Variants in NEDD9 observed in about 807,000 individuals in gnomAD.
NEDD9 encodes neural precursor cell expressed, developmentally down-regulated 9, also known as enhancer of filamentation 1.
Under a neutral mutation model 76.6 loss-of-function variants are expected in NEDD9, and 26 were observed. That is an observed-to-expected ratio of 0.34 (90% CI 0.25 to 0.47). NEDD9 has a LOEUF of 0.47. Among genes scored for constraint, NEDD9 ranks in the 20% least tolerant of loss-of-function variants. The pLI, the probability that NEDD9 is intolerant of heterozygous loss-of-function variation, is 1.00. For synonymous variants in NEDD9, 392 were observed against 414.2 expected, an observed-to-expected ratio of 0.95 and a Z score of 0.65; for missense variants, 937 against 1,058.5, an observed-to-expected ratio of 0.89 and a Z score of 1.59.
chr6:11,335,337 G>T (rs1762134484), intron 1 of NEDD9, among the ~76,000 whole-genome samples: 1 of 152,216 alleles, frequency 6.6e-6, no homozygotes, highest in Non-Finnish European at 1.5e-5. Context: ...CTGTTTGGTA[G>T]TCTGCTGCCA....
At chr6:11,355,311 T>C (rs1285721298) in intron 1 of NEDD9, among the ~76,000 whole-genome samples, 1 of 152,120 alleles carries the variant, frequency 6.6e-6, no homozygotes, top group Non-Finnish European at 1.5e-5. Context: ...AAGGAAACCA[T>C]AGTAATTTAG....
At position 11,240,710 on chromosome 6, in the gene NEDD9, C is replaced by T. The variant is rs116613867; in HGVS notation, c.13-26983G>A. Among the ~76,000 whole-genome samples the T allele has an allele frequency of 9.2e-3, 1,396 of 152,206 alleles. 19 individuals carry two copies. The highest frequency in any genetic ancestry group is 0.032 in the African/African-American group (1,323 of 41,536). ...AAATTAGGTGTTAAATAAATTCACT[C>T]GACTCTAGTGAAATGTGACAAGCAA... On this transcript the variant is annotated intron_variant, in intron 3 of 3. Transcript: ENST00000397378.
chr6:11,278,638 G>A (rs2113353943), intron 3 of NEDD9, among the ~76,000 whole-genome samples: 1 of 152,268 alleles, frequency 6.6e-6, no homozygotes. Context: ...CTTATTTTGT[G>A]CACAATTCTA....
intron 3 of NEDD9, among the ~76,000 whole-genome samples, chr6:11,275,577 T>C (rs1432204013): frequency 6.6e-6 from 1 of 150,920 alleles, no homozygotes; most frequent in Non-Finnish European, 1.5e-5. Context: ...TATATATATA[T>C]ACAAAATTTT....
intron 2 of NEDD9, among the ~76,000 whole-genome samples, chr6:11,318,756 G>A (rs1284080084): frequency 8.5e-5 from 13 of 152,056 alleles, no homozygotes; most frequent in Admixed American, 8.5e-4. Flanking sequence ...AATATGTCCT[G>A]TAGGCCAGCC....
chr6:11,367,477 C>G lies in NEDD9; in HGVS notation c.-214+14662G>C, dbSNP rs544971868. ...GAATCCTGGAGAAAGGAAATTTGATCAGTCTCCCAATGCAGTTTACTCCAA... is the reference window on the plus strand; with the variant it reads ...GAATCCTGGAGAAAGGAAATTTGATGAGTCTCCCAATGCAGTTTACTCCAA... On this transcript the variant is annotated intron_variant, in intron 1 of 3. Coordinates refer to the NEDD9 transcript ENST00000397378. Among the ~76,000 whole-genome samples the G allele has an allele frequency of 8.7e-4, 133 of 152,296 alleles. No homozygotes were observed. In the South Asian group the frequency reaches 9.1e-3, roughly 10 times the overall value.
At chr6:11,331,770 G>A (rs1057259469) in intron 2 of NEDD9, among the ~76,000 whole-genome samples, 2 of 152,242 alleles carry the variant, frequency 1.3e-5, no homozygotes, top group East Asian at 1.9e-4. Context: ...TAAACCTCAC[G>A]GGTAAGTTTG....
chr6:11,204,907 A>C (rs1048852971), intron 2 of NEDD9, among the ~76,000 whole-genome samples: 1 of 152,064 alleles, frequency 6.6e-6, no homozygotes, highest in Non-Finnish European at 1.5e-5. Flanking sequence ...GGTGGGGGGA[A>C]CTTCCAAGCT....
chr6:11,187,547 AAGAG>A (rs151140554), intron 6 of NEDD9, among the ~76,000 whole-genome samples: 49 of 150,662 alleles, frequency 3.3e-4, no homozygotes, highest in Admixed American at 6.0e-4. Context: ...TAGAGACAGA[AAGAG>A]AGAGAGAGAG....
chr6:11,280,096 G>C (rs1760504706), intron 3 of NEDD9, among the ~76,000 whole-genome samples: 1 of 152,080 alleles, frequency 6.6e-6, no homozygotes, highest in African/African-American at 2.4e-5. Flanking sequence ...CATCATCCCT[G>C]GTCTCTACCC....
chr6:11,269,642 T>C (rs1000417332), intron 3 of NEDD9, among the ~76,000 whole-genome samples: 2 of 152,230 alleles, frequency 1.3e-5, no homozygotes, highest in African/African-American at 4.8e-5. Context: ...AAAATAGATA[T>C]ATGTAGTTTC....
rs767443270 is a variant in NEDD9, at chr6:11,301,489, CT to C, written c.12+4502del. On this transcript the variant is annotated intron_variant, in intron 3 of 3. Transcript: ENST00000397378. ...AGAAGGTTAACAAGGATATCGAGGG[CT>C]TGAACTCAGCTCTGCACCAAGTAGA... 2.0e-5 allele frequency among the ~76,000 whole-genome samples: 3 copies of C among 152,182 alleles called. No individual in the cohort carries two copies. The East Asian group carries it at 5.8e-4, about 29-fold the overall frequency.
chr6:11,192,730 C>T (rs978082034), intron 3 of NEDD9, among the ~76,000 whole-genome samples: 5 of 149,406 alleles, frequency 3.3e-5, no homozygotes, highest in East Asian at 2.0e-4. Context: ...GTCAAGAAAT[C>T]GAGACCATCC....
Position 11,311,339 on chromosome 6 carries a change from G to A in NEDD9, c.-152-5184C>T, listed in dbSNP as rs189741221. ...ATGTCCTTATAAAGAGGAGCAATACGGAGAGGAAAGCTGATATGAAGAAAC... is the reference window on the plus strand; with the variant it reads ...ATGTCCTTATAAAGAGGAGCAATACAGAGAGGAAAGCTGATATGAAGAAAC... On this transcript the variant is annotated intron_variant, in intron 2 of 3. Coordinates refer to the NEDD9 transcript ENST00000397378. Among the ~76,000 whole-genome samples, 421 of 152,262 alleles carry A rather than the reference G, an allele frequency of 2.8e-3. 10 individuals are homozygous for A. The highest frequency in any genetic ancestry group is 0.023 in the Admixed American group (355 of 15,290).
At chr6:11,276,488 T>G (rs1460082112) in intron 3 of NEDD9, among the ~76,000 whole-genome samples, 1 of 152,202 alleles carries the variant, frequency 6.6e-6, no homozygotes, top group African/African-American at 2.4e-5. Flanking sequence ...TAGGGATTGA[T>G]GGAATTCCTA....
chr6:11,320,633 G>C (rs923929851), intron 2 of NEDD9, among the ~76,000 whole-genome samples: 2 of 152,198 alleles, frequency 1.3e-5, no homozygotes, highest in African/African-American at 4.8e-5. Flanking sequence ...CATATTGGAA[G>C]CAACCTGAAT....
chr6:11,226,600 G>A (rs1158964055), intron 1 of NEDD9, among the ~76,000 whole-genome samples: 2 of 149,540 alleles, frequency 1.3e-5, no homozygotes, highest in East Asian at 3.9e-4. Flanking sequence ...AACTTCTCAT[G>A]TACTCCCAAC....
At chr6:11,207,674 T>C (rs1758652323) in intron 2 of NEDD9, 1 of 152,188 alleles carries the variant, frequency 6.6e-6, no homozygotes, top group Non-Finnish European at 1.5e-5. Context: ...ACCATTCCAT[T>C]TTTAAGAAGC....
At chr6:11,188,694 T>A (rs1177219612) in intron 5 of NEDD9, among the ~76,000 whole-genome samples, 2 of 152,190 alleles carry the variant, frequency 1.3e-5, no homozygotes, top group Non-Finnish European at 2.9e-5. Flanking sequence ...AGATTTCTGC[T>A]CCAAGGCAGT....
Sources: gnomAD v4.1 joint callset for allele counts (sites outside exome capture counted in the v4.1 genomes callset) on GRCh38, gnomAD v4.1.1 for gene constraint, MANE v1.5 for transcripts, NCBI Gene and HGNC (gene_info 2026-07-23, HGNC 2026-07-21) for gene names.